The following FGF7 variants were observed in gnomAD, a reference collection of about 807,000 sequenced individuals.
FGF7 encodes fibroblast growth factor 7, also known as FGF-7.
FGF7 carries 6 observed loss-of-function variants against 20.5 expected under a neutral mutation model. That is an observed-to-expected ratio of 0.29 (90% CI 0.16 to 0.58). The LOEUF (loss-of-function observed/expected upper bound fraction) is 0.58, where lower values mean the gene tolerates loss of function less well. Ranked by LOEUF, FGF7 falls within the 20% of genes least tolerant of loss-of-function variation. FGF7 has a pLI of 0.90. For missense variants in FGF7, 144 were observed against 228.8 expected, an observed-to-expected ratio of 0.63 and a Z score of 2.39; for synonymous variants, 64 against 74.7, an observed-to-expected ratio of 0.86 and a Z score of 0.74.
intron 2 of FGF7, among the ~76,000 whole-genome samples, chr15:49,459,879 G>C (rs2053639522): frequency 6.6e-6 from 1 of 152,114 alleles, no homozygotes; most frequent in Non-Finnish European, 1.5e-5. Flanking sequence ...AACTGGCCAT[G>C]GTGGAGGTAT....
At chr15:49,446,021 C>T (rs565566952) in intron 2 of FGF7, among the ~76,000 whole-genome samples, 2 of 151,406 alleles carry the variant, frequency 1.3e-5, no homozygotes, top group African/African-American at 4.8e-5. Flanking sequence ...GACATATTTA[C>T]AATGTTAGTT....
At chr15:49,479,212 C>A (rs371854620) in intron 2 of FGF7, among the ~76,000 whole-genome samples, 21 of 151,868 alleles carry the variant, frequency 1.4e-4, no homozygotes, top group Admixed American at 9.9e-4. Flanking sequence ...GACATATTGC[C>A]TGGTTTTTCA....
intron 2 of FGF7, among the ~76,000 whole-genome samples, chr15:49,473,813 T>C (rs2055005356): frequency 6.6e-6 from 1 of 152,092 alleles, no homozygotes; most frequent in Non-Finnish European, 1.5e-5. Context: ...TATTTCAACA[T>C]ATATTTATTT....
intron 2 of FGF7, among the ~76,000 whole-genome samples, chr15:49,466,508 GT>G (rs769019190): frequency 1.3e-5 from 2 of 152,140 alleles, no homozygotes; most frequent in Non-Finnish European, 2.9e-5. Context: ...AATAAAAGAG[GT>G]TTTTGTTTGC....
At chr15:49,475,114 G>C (rs1307795822) in intron 2 of FGF7, among the ~76,000 whole-genome samples, 1 of 152,086 alleles carries the variant, frequency 6.6e-6, no homozygotes, top group African/African-American at 2.4e-5. Context: ...AAATTGATCA[G>C]TTTGATTAAT....
intron 2 of FGF7, among the ~76,000 whole-genome samples, chr15:49,464,050 C>T (rs1359498793): frequency 6.6e-6 from 1 of 151,658 alleles, no homozygotes. Flanking sequence ...TTTTTTTTTC[C>T]ATCCCCAAAC....
rs2056248009 is a variant in FGF7, at chr15:49,484,564, T to G, written c.*60T>G. 1.2e-6 allele frequency: 1 copy of G among 827,028 alleles called. No homozygotes were observed. The highest frequency in any genetic ancestry group is 1.7e-6 in the Non-Finnish European group (1 of 575,932). The allele number at this position is 827,028 out of a possible 1,614,324, so 51.2% of individuals were successfully genotyped here. Reference sequence around the variant, plus strand: ...GGAGATTTCTTTAAGTGGACTGTTTTCTTTCTTCTCAAAATTTTCTTTCCT... The same window carrying G: ...GGAGATTTCTTTAAGTGGACTGTTTGCTTTCTTCTCAAAATTTTCTTTCCT... On this transcript the variant is annotated 3_prime_UTR_variant, in exon 4 of 4. Coordinates refer to ENST00000267843, the MANE Select transcript of FGF7 (RefSeq NM_002009.4).
At chr15:49,469,844 G>A (rs148682304) in intron 2 of FGF7, among the ~76,000 whole-genome samples, 6 of 152,090 alleles carry the variant, frequency 3.9e-5, no homozygotes, top group African/African-American at 1.2e-4. Context: ...AATTTTTTAC[G>A]ACTCTAAGAA....
At chr15:49,473,356 A>G (rs1305464094) in intron 2 of FGF7, among the ~76,000 whole-genome samples, 1 of 152,174 alleles carries the variant, frequency 6.6e-6, no homozygotes, top group East Asian at 1.9e-4. Context: ...AAGTATAAAG[A>G]ACATTGAGTT....
In FGF7 at chr15:49,487,008, T is replaced by G. The variant is rs2056452572; in HGVS notation, c.*2504T>G. 6.6e-6 allele frequency: 1 copy of G among 151,978 alleles called. No individual in the cohort carries two copies. The highest frequency in any genetic ancestry group is 1.5e-5 in the Non-Finnish European group (1 of 67,904). The allele number at this position is 151,978 out of a possible 1,614,324, so 9.4% of individuals were successfully genotyped here. ...TCTAGATCAGTTAGCACATGCTTTCTACTCTTCGATTATTAGTATTATTAG... is the reference window on the plus strand; with the variant it reads ...TCTAGATCAGTTAGCACATGCTTTCGACTCTTCGATTATTAGTATTATTAG... On this transcript the variant is annotated 3_prime_UTR_variant, in exon 4 of 4. Transcript: ENST00000267843.
chr15:49,445,610 T>C (rs891140674), intron 2 of FGF7, among the ~76,000 whole-genome samples: 3 of 151,568 alleles, frequency 2.0e-5, no homozygotes, highest in African/African-American at 7.3e-5. Flanking sequence ...CTATACACTG[T>C]ATATATGAAA....
intron 2 of FGF7, among the ~76,000 whole-genome samples, chr15:49,437,532 G>A (rs2051218645): frequency 6.6e-6 from 1 of 151,572 alleles, no homozygotes; most frequent in Non-Finnish European, 1.5e-5. Flanking sequence ...TTTTTGGGGT[G>A]TGATTCTGGG....
At chr15:49,458,889 ACTACT>A (rs559210313) in intron 2 of FGF7, among the ~76,000 whole-genome samples, 2 of 152,150 alleles carry the variant, frequency 1.3e-5, no homozygotes, top group Non-Finnish European at 2.9e-5. Context: ...ACCAACATCT[ACTACT>A]CTATTTAGTA....
chr15:49,453,238 A>C (rs1385931452), intron 2 of FGF7, among the ~76,000 whole-genome samples: 1 of 151,996 alleles, frequency 6.6e-6, no homozygotes, highest in Admixed American at 6.6e-5. Flanking sequence ...TTCAACACAT[A>C]ATCAGTATAA....
intron 2 of FGF7, among the ~76,000 whole-genome samples, chr15:49,456,417 A>T (rs1156919635): frequency 6.6e-6 from 1 of 152,148 alleles, no homozygotes; most frequent in Non-Finnish European, 1.5e-5. Context: ...AGGGTTAAGG[A>T]AGGTTAATGT....
At chr15:49,457,269 C>T (rs1290754746) in intron 2 of FGF7, among the ~76,000 whole-genome samples, 3 of 151,812 alleles carry the variant, frequency 2.0e-5, no homozygotes, top group African/African-American at 4.8e-5. Context: ...ATTCCAAATG[C>T]GGTAACAACG....
chr15:49,454,124 T>C (rs2053042400), intron 2 of FGF7, among the ~76,000 whole-genome samples: 1 of 152,178 alleles, frequency 6.6e-6, no homozygotes, highest in Non-Finnish European at 1.5e-5. Flanking sequence ...ATGTACAACA[T>C]AGATGGGGCA....
intron 2 of FGF7, among the ~76,000 whole-genome samples, chr15:49,458,988 G>A (rs8026236): frequency 0.32 from 49,333 of 151,904 alleles, 8,734 homozygotes; most frequent in African/African-American, 0.45. Context: ...AAAGCAATTC[G>A]TTTGATTGTC....
intron 2 of FGF7, among the ~76,000 whole-genome samples, chr15:49,469,307 A>G (rs1368368174): frequency 6.6e-6 from 1 of 152,198 alleles, no homozygotes; most frequent in Non-Finnish European, 1.5e-5. Flanking sequence ...CTGTCTATAC[A>G]GAAAACTGCT....
Sources: gnomAD v4.1 joint callset for allele counts (sites outside exome capture counted in the v4.1 genomes callset) on GRCh38, gnomAD v4.1.1 for gene constraint, MANE v1.5 for transcripts, NCBI Gene and HGNC (gene_info 2026-07-23, HGNC 2026-07-21) for gene names.